The following NSD2 variants were observed in gnomAD, a reference collection of about 807,000 sequenced individuals.
NSD2 encodes the protein nuclear receptor binding SET domain protein 2.
In NSD2, 12 loss-of-function variants were observed where a neutral mutation model predicts 139.0. The ratio of observed to expected loss-of-function variants is 0.09; its 90% CI spans 0.06 to 0.14. The LOEUF (loss-of-function observed/expected upper bound fraction) is 0.14. Ranked by LOEUF, NSD2 falls within the 10% of genes least tolerant of loss-of-function variation. NSD2 has a pLI of 1.00. For synonymous variants in NSD2, 669 were observed against 648.7 expected (o/e 1.03, Z -0.48); for missense variants, 1,155 against 1,745.0 (o/e 0.66, Z 6.02).
At chr4:1,897,064 G>C (rs1457770134) in intron 1 of NSD2, among the ~76,000 whole-genome samples, 1 of 152,026 alleles carries the variant, frequency 6.6e-6, no homozygotes, top group East Asian at 1.9e-4. Flanking sequence ...CAGCTGCTCA[G>C]GAGGCTGAGG....
At position 1,943,156 on chromosome 4, in the gene NSD2, C is replaced by G. The variant is rs1353346967; in HGVS notation, c.1881+3378C>G. The G allele has an allele frequency of 5.8e-6, 6 of 1,043,258 alleles. No homozygotes were observed. In the African/African-American group the frequency reaches 8.4e-5, roughly 15 times the overall value. The allele number at this position is 1,043,258 out of a possible 1,614,324, so 64.6% of individuals were successfully genotyped here. ...CGGGGAGCAGCCTGGTGTCCTGCCCCAGGTGTCCGCATTTTTGCATGGTAA... is the reference window on the plus strand; with the variant it reads ...CGGGGAGCAGCCTGGTGTCCTGCCCGAGGTGTCCGCATTTTTGCATGGTAA... On this transcript the variant is annotated intron_variant, in intron 9 of 21. Transcript: ENST00000508803.
intron 7 of NSD2, 64 bp downstream of exon 7, chr4:1,935,326 GT>G: frequency 7.7e-7 from 1 of 1,305,494 alleles, no homozygotes; most frequent in Non-Finnish European, 1.1e-6. Flanking sequence ...TGGTGCCACT[GT>G]TTCCCTGCAT....
Position 1,981,808 on chromosome 4 carries a change from G to A in NSD2, c.*2899G>A, listed in dbSNP as rs1309249289. 2.5e-6 allele frequency: 1 copy of A among 398,526 alleles called. No homozygotes were observed. The highest frequency in any genetic ancestry group is 2.1e-5 in the African/African-American group (1 of 48,618). 24.7% of individuals were successfully genotyped at this position (398,526 alleles called of 1,614,324 possible). A position where few individuals can be genotyped will look rare whatever the true frequency, so the allele number is the denominator to read the frequency against. On this transcript the variant is annotated 3_prime_UTR_variant, in exon 22 of 22. Coordinates refer to ENST00000508803, the MANE Select transcript of NSD2 (RefSeq NM_001042424.3). Reference sequence around the variant, plus strand: ...TTCAAGTTAATGCAAATGACTGTCAGTTGCCAAATATCTTGATCCTATGAG... The same window carrying A: ...TTCAAGTTAATGCAAATGACTGTCAATTGCCAAATATCTTGATCCTATGAG...
chr4:1,966,096 C>G, intron 18 of NSD2, among the ~76,000 whole-genome samples: 1 of 152,146 alleles, frequency 6.6e-6, no homozygotes, highest in East Asian at 1.9e-4. Context: ...TGCAGTAAAA[C>G]TGTCTTTCAA....
Position 1,973,520 on chromosome 4 carries a change from G to A in NSD2, c.3373-1343G>A, listed in dbSNP as rs969892727. On this transcript the variant is annotated intron_variant, in intron 18 of 21. Transcript: ENST00000508803. This position sits in a 1 kb window ranked among gnomAD's most constrained non-coding sequence, Gnocchi z 5.5. Reference sequence around the variant, plus strand: ...AGCACCCCCACTTCTGTGTTGAAGAGTGGCACTCTGGGTTGATTAGTGCAT... The same window carrying A: ...AGCACCCCCACTTCTGTGTTGAAGAATGGCACTCTGGGTTGATTAGTGCAT... Among the ~76,000 whole-genome samples, 4 of 152,262 alleles carry A rather than the reference G, an allele frequency of 2.6e-5. No homozygotes were observed. Among genetic ancestry groups the A allele is most frequent in the Admixed American group, 6.5e-5 (1 of 15,290 alleles).
At chr4:1,952,856 C>G in intron 11 of NSD2, 2 of 1,300,534 alleles carry the variant, frequency 1.5e-6, no homozygotes, top group South Asian at 4.2e-5. Context: ...TCCTATCTCA[C>G]GTCAGAACAC....
At chr4:1,893,654 T>G (rs1201135656) in intron 1 of NSD2, 1 of 150,408 alleles carries the variant, frequency 6.6e-6, no homozygotes, top group African/African-American at 2.5e-5. Flanking sequence ...CAGGCTCAAC[T>G]GATCCTCCTG....
At position 1,978,838 on chromosome 4, in the gene NSD2, C is replaced by G. The variant is rs142054662; in HGVS notation, c.4027C>G (p.Pro1343Ala). ...AAGCACCAAGACTGAGAAGCCCCCC[C>G]CAGAGCCAGGGAAGCCGAAGGGGAA... ...VRSTKTEKPP[P>A]EPGKPKGKRR... The change falls in exon 22 of 22, where the codon CCA (proline) becomes GCA (alanine). Residue 1343 changes from proline to alanine, a missense_variant. Physicochemically the swap from Pro to Ala is conservative, Grantham distance 27. Transcript: ENST00000508803. 1.6e-4 allele frequency: 253 copies of G among 1,603,636 alleles called. No individual in the cohort carries two copies. The African/African-American group carries it at 1.9e-3, about 12-fold the overall frequency.
intron 12 of NSD2, among the ~76,000 whole-genome samples, chr4:1,954,910 T>A (rs112803089): frequency 2.2e-4 from 33 of 152,260 alleles, no homozygotes; most frequent in African/African-American, 7.5e-4. Flanking sequence ...AATGCCCAGG[T>A]CGGCTGCCCA....
intron 6 of NSD2, among the ~76,000 whole-genome samples, chr4:1,934,873 AAAAAAATATATATATATAT>A (rs1174519559): frequency 4.0e-4 from 37 of 92,960 alleles, no homozygotes; most frequent in African/African-American, 1.7e-3. Flanking sequence ...AAAAAAAAAA[AAAAAAATATATATATATAT>A]ATATATATAT....
intron 2 of NSD2, 51 bp from the exon 3 acceptor site, chr4:1,904,165 A>G (rs763971458): frequency 6.3e-7 from 1 of 1,582,484 alleles, no homozygotes. Flanking sequence ...TTCTGGATAC[A>G]CAGGTAGTGA....
intron 6 of NSD2, among the ~76,000 whole-genome samples, chr4:1,931,880 T>C (rs1353407169): frequency 2.0e-5 from 3 of 152,234 alleles, no homozygotes; most frequent in African/African-American, 4.8e-5. Context: ...TCCTTTTAAA[T>C]GACTGGCTTA....
intron 6 of NSD2, 79 bp from the exon 7 acceptor site, chr4:1,935,065 C>G (rs1577484066): frequency 9.1e-7 from 1 of 1,100,032 alleles, no homozygotes; most frequent in African/African-American, 1.6e-5. Flanking sequence ...GTTGAATGCC[C>G]TGGGTAGGTT....
intron 9 of NSD2, chr4:1,947,016 G>C (rs576841528): frequency 9.4e-7 from 1 of 1,063,714 alleles, no homozygotes; most frequent in South Asian, 4.6e-5. Context: ...AATGACTGAG[G>C]TAGGGGTGGG....
intron 18 of NSD2, among the ~76,000 whole-genome samples, chr4:1,963,998 CTA>C (rs1725627723): frequency 6.6e-6 from 1 of 152,144 alleles, no homozygotes; most frequent in African/African-American, 2.4e-5. Context: ...AACCCGGTCT[CTA>C]AACAAAACAA....
chr4:1,943,250 G>T (rs1177157716), intron 9 of NSD2: 6 of 1,042,348 alleles, frequency 5.8e-6, no homozygotes, highest in Non-Finnish European at 5.8e-6. Context: ...CATGCGAGTA[G>T]CCCACAGTTA....
chr4:1,938,201 C>T (rs962304657), intron 7 of NSD2, among the ~76,000 whole-genome samples: 8 of 152,008 alleles, frequency 5.3e-5, no homozygotes, highest in Non-Finnish European at 8.8e-5. Context: ...GCGGGAGGTG[C>T]GAAGAAAGAA....
rs1294413835 is a variant in NSD2 at position 1,980,100 on chromosome 4, G to A, written c.*1191G>A. 8.6e-6 allele frequency: 2 copies of A among 233,300 alleles called. No homozygotes were observed. The highest frequency in any genetic ancestry group is 1.7e-5 in the Non-Finnish European group (2 of 118,160). The allele number at this position is 233,300 out of a possible 1,614,324, so 14.5% of individuals were successfully genotyped here. A position where few individuals can be genotyped will look rare whatever the true frequency, so the allele number is the denominator to read the frequency against. ...ACCTACTGAGAGGTGCGGTCCTGGG[G>A]GTGGAGGCCTGCCTGGCAGGTGTGC... is the stretch of plus-strand genomic sequence containing the variant. On this transcript the variant is annotated 3_prime_UTR_variant, in exon 22 of 22. Coordinates refer to ENST00000508803, the MANE Select transcript of NSD2 (RefSeq NM_001042424.3).
intron 5 of NSD2, among the ~76,000 whole-genome samples, chr4:1,920,647 A>G (rs1012169947): frequency 2.6e-5 from 4 of 151,940 alleles, no homozygotes; most frequent in African/African-American, 9.7e-5. Flanking sequence ...AGGTGGGAGG[A>G]TTGCTTGAGC....
Sources: gnomAD v4.1 joint callset for allele counts (sites outside exome capture counted in the v4.1 genomes callset) on GRCh38, gnomAD v4.1.1 for gene constraint, Gnocchi (gnomAD v3.1) non-coding constraint, MANE v1.5 for transcripts, NCBI Gene and HGNC (gene_info 2026-07-23, HGNC 2026-07-21) for gene names.